Variants in LCLAT1 observed in about 807,000 individuals in gnomAD.
LCLAT1 encodes lysocardiolipin acyltransferase 1.
A neutral mutation model predicts 30.7 loss-of-function variants in LCLAT1; 11 were observed. The ratio of observed to expected loss-of-function variants is 0.36; its 90% CI spans 0.23 to 0.59. The LOEUF is 0.59. Among genes scored for constraint, LCLAT1 ranks in the 20% least tolerant of loss-of-function variants. The pLI is 0.77. For missense variants in LCLAT1, 402 were observed against 458.6 expected (o/e 0.88, Z 1.13); for synonymous variants, 155 against 151.3 (o/e 1.02, Z -0.18).
At chr2:30,478,378 T>A (rs1316246648) in intron 1 of LCLAT1, among the ~76,000 whole-genome samples, 3 of 152,240 alleles carry the variant, frequency 2.0e-5, no homozygotes, top group Non-Finnish European at 4.4e-5. Context: ...TTTAGCATGC[T>A]ACCTGCTCAT....
chr2:30,531,925 T>C (rs529696750), intron 2 of LCLAT1, among the ~76,000 whole-genome samples: 1 of 152,276 alleles, frequency 6.6e-6, no homozygotes, highest in Admixed American at 6.5e-5. Context: ...GTCAACCAGG[T>C]CAAGAAATAC....
At chr2:30,503,745 G>T (rs539430809) in intron 1 of LCLAT1, among the ~76,000 whole-genome samples, 3 of 152,336 alleles carry the variant, frequency 2.0e-5, no homozygotes, top group African/African-American at 7.2e-5. Flanking sequence ...ACAGAAATCT[G>T]AAACCATGGA....
At chr2:30,562,086 A>C in intron 3 of LCLAT1, 60 bp from the exon 4 acceptor site, 3 of 1,225,836 alleles carry the variant, frequency 2.4e-6, no homozygotes, top group Non-Finnish European at 3.5e-6. Flanking sequence ...ATTGTATTCA[A>C]TAATATGTGG....
chr2:30,588,634 T>A (rs1307008807), intron 5 of LCLAT1, among the ~76,000 whole-genome samples: 1 of 152,178 alleles, frequency 6.6e-6, no homozygotes. Context: ...TTGCCCAGGC[T>A]GGAGTACAGC....
chr2:30,573,417 G>GA (rs1195246553), intron 5 of LCLAT1, among the ~76,000 whole-genome samples: 1 of 152,186 alleles, frequency 6.6e-6, no homozygotes, highest in Non-Finnish European at 1.5e-5. Flanking sequence ...ATCACACTGA[G>GA]ATAGGTATCC....
At position 30,565,533 on chromosome 2, in the gene LCLAT1, C is replaced by T. The variant is rs185821677; in HGVS notation, c.512-2527C>T. Reference sequence around the variant, plus strand: ...AGTTGACATATAAAATTAGCCATCACAATTAGTATGTGATAATTTTGAGTT... The same window carrying T: ...AGTTGACATATAAAATTAGCCATCATAATTAGTATGTGATAATTTTGAGTT... On this transcript the variant is annotated intron_variant, in intron 4 of 5. Transcript: ENST00000379509. Among the ~76,000 whole-genome samples, 4 of 152,266 alleles carry T rather than the reference C, an allele frequency of 2.6e-5. No homozygotes were observed. The East Asian group carries it at 7.7e-4, about 29-fold the overall frequency.
At chr2:30,503,317 G>T (rs1252472309) in intron 1 of LCLAT1, among the ~76,000 whole-genome samples, 1 of 152,178 alleles carries the variant, frequency 6.6e-6, no homozygotes, top group Non-Finnish European at 1.5e-5. Flanking sequence ...AACAAGTCCT[G>T]CAGGTCTCCT....
At chr2:30,587,092 G>A (rs1666477898) in intron 5 of LCLAT1, among the ~76,000 whole-genome samples, 1 of 152,214 alleles carries the variant, frequency 6.6e-6, no homozygotes, top group Admixed American at 6.5e-5. Flanking sequence ...CCCAGACCTT[G>A]TCCTTTCTTG....
intron 1 of LCLAT1, among the ~76,000 whole-genome samples, chr2:30,461,780 T>A (rs1361101776): frequency 7.0e-6 from 1 of 143,770 alleles, no homozygotes; most frequent in Non-Finnish European, 1.5e-5. Flanking sequence ...CTTTTTTTTT[T>A]TTTTTTTTGA....
intron 3 of LCLAT1, among the ~76,000 whole-genome samples, chr2:30,540,739 AC>A (rs1455041030): frequency 6.7e-6 from 1 of 150,028 alleles, no homozygotes; most frequent in Non-Finnish European, 1.5e-5. Context: ...ATCTTGGCTC[AC>A]TGCAATGTCC....
intron 1 of LCLAT1, among the ~76,000 whole-genome samples, chr2:30,486,226 A>G (rs1298582729): frequency 1.3e-5 from 2 of 152,194 alleles, no homozygotes; most frequent in African/African-American, 2.4e-5. Context: ...AACTTTGGAC[A>G]GCCTTAACTG....
intron 1 of LCLAT1, among the ~76,000 whole-genome samples, chr2:30,496,852 A>C (rs1235890267): frequency 6.6e-6 from 1 of 152,172 alleles, no homozygotes; most frequent in Non-Finnish European, 1.5e-5. Flanking sequence ...CCACCTAGGC[A>C]GTGCCCAGCA....
intron 3 of LCLAT1, among the ~76,000 whole-genome samples, chr2:30,535,508 GC>G (rs1686201162): frequency 6.6e-6 from 1 of 152,134 alleles, no homozygotes; most frequent in Non-Finnish European, 1.5e-5. Context: ...TCCACAAACA[GC>G]TGCAGCCTAG....
chr2:30,587,726 A>T (rs1361546764), intron 5 of LCLAT1, among the ~76,000 whole-genome samples: 1 of 152,224 alleles, frequency 6.6e-6, no homozygotes, highest in African/African-American at 2.4e-5. Context: ...CTCTTTCCTA[A>T]CAATATCTTT....
chr2:30,555,272 G>A (rs974603609), intron 3 of LCLAT1, among the ~76,000 whole-genome samples: 1 of 151,990 alleles, frequency 6.6e-6, no homozygotes, highest in Admixed American at 6.6e-5. Context: ...AGCCAAACTA[G>A]CCTCTAAAAT....
At chr2:30,508,409 A>G (rs1048184449) in intron 1 of LCLAT1, among the ~76,000 whole-genome samples, 3 of 152,032 alleles carry the variant, frequency 2.0e-5, no homozygotes, top group African/African-American at 7.2e-5. Context: ...TTTGAGTTTT[A>G]TATTTAAGTC....
chr2:30,584,578 C>T (rs1005069475), intron 5 of LCLAT1, among the ~76,000 whole-genome samples: 2 of 152,156 alleles, frequency 1.3e-5, no homozygotes, highest in Non-Finnish European at 2.9e-5. Context: ...GGAAGGTTCT[C>T]TGGATTTCTT....
At chr2:30,447,655 A>T (rs987053814) in intron 1 of LCLAT1, 1 of 151,912 alleles carries the variant, frequency 6.6e-6, no homozygotes, top group African/African-American at 2.4e-5. Flanking sequence ...GGGCCGCGCG[A>T]GCGGCGAGGG....
chr2:30,543,628 T>C (rs1361044209), intron 3 of LCLAT1, among the ~76,000 whole-genome samples: 1 of 152,126 alleles, frequency 6.6e-6, no homozygotes, highest in Non-Finnish European at 1.5e-5. Flanking sequence ...ATTCTTTAGT[T>C]CATCTGTTTC....
Sources: gnomAD v4.1 joint callset for allele counts (sites outside exome capture counted in the v4.1 genomes callset) on GRCh38, gnomAD v4.1.1 for gene constraint, MANE v1.5 for transcripts, NCBI Gene and HGNC (gene_info 2026-07-23, HGNC 2026-07-21) for gene names.